The following ROR2 variants were observed in gnomAD, a reference collection of about 807,000 sequenced individuals.
ROR2 encodes the protein ROR family WNT receptor 2, also known as tyrosine-protein kinase transmembrane receptor ROR2.
Under a neutral mutation model 74.9 loss-of-function variants are expected in ROR2, and 33 were observed. The observed-to-expected ratio is 0.44, with a 90% CI of 0.33 to 0.59. ROR2 has a LOEUF of 0.59. Among genes scored for constraint, ROR2 ranks in the 20% least tolerant of loss-of-function variants. ROR2 has a pLI of 0.02. For missense variants in ROR2, 1,216 were observed against 1,313.8 expected, an observed-to-expected ratio of 0.93 and a Z score of 1.15; for synonymous variants, 586 against 558.7, an observed-to-expected ratio of 1.05 and a Z score of -0.69.
intron 1 of ROR2, among the ~76,000 whole-genome samples, chr9:91,927,072 A>T (rs1831425129): frequency 6.6e-6 from 1 of 152,218 alleles, no homozygotes; most frequent in African/African-American, 2.4e-5. Context: ...AAGAAGTGTT[A>T]TATCATTAAA....
intron 1 of ROR2, among the ~76,000 whole-genome samples, chr9:91,835,040 A>G (rs1828570187): frequency 6.6e-6 from 1 of 152,212 alleles, no homozygotes; most frequent in Non-Finnish European, 1.5e-5. Context: ...GCCTGAGGCC[A>G]GGCATGTCTT....
At chr9:91,920,222 G>C (rs994336934) in intron 1 of ROR2, among the ~76,000 whole-genome samples, 2 of 152,132 alleles carry the variant, frequency 1.3e-5, no homozygotes, top group Admixed American at 6.5e-5. Context: ...GAATAAACAC[G>C]ATGGCCGGGC....
intron 1 of ROR2, among the ~76,000 whole-genome samples, chr9:91,904,058 G>A (rs577635024): frequency 3.3e-5 from 5 of 151,262 alleles, no homozygotes; most frequent in African/African-American, 1.2e-4. Context: ...TTTTGGGGGG[G>A]GGGACAGAGT....
chr9:91,845,387 G>A (rs1171500973), intron 1 of ROR2, among the ~76,000 whole-genome samples: 1 of 151,680 alleles, frequency 6.6e-6, no homozygotes, highest in Non-Finnish European at 1.5e-5. Flanking sequence ...CAGGCAAGAG[G>A]ATGTTCAGAG....
chr9:91,794,956 T>C (rs1426479663), intron 1 of ROR2, among the ~76,000 whole-genome samples: 1 of 151,606 alleles, frequency 6.6e-6, no homozygotes, highest in African/African-American at 2.4e-5. Flanking sequence ...ACCCAGTCTC[T>C]ACTAAAAATA....
intron 1 of ROR2, among the ~76,000 whole-genome samples, chr9:91,945,053 C>G (rs1831978020): frequency 6.6e-6 from 1 of 151,312 alleles, no homozygotes; most frequent in African/African-American, 2.4e-5. Context: ...GCACTCCAGC[C>G]TGGGTGACAG....
chr9:91,816,954 ACAAAG>A (rs1284885850), intron 1 of ROR2, among the ~76,000 whole-genome samples: 1 of 152,182 alleles, frequency 6.6e-6, no homozygotes, highest in Non-Finnish European at 1.5e-5. Context: ...TAAAAATGTG[ACAAAG>A]CATTTGAAGA....
intron 1 of ROR2, among the ~76,000 whole-genome samples, chr9:91,925,330 A>G (rs1353161079): frequency 6.6e-6 from 1 of 152,022 alleles, no homozygotes; most frequent in Non-Finnish European, 1.5e-5. Flanking sequence ...CACTTCCCCC[A>G]AGATACAGCC....
chr9:91,848,646 C>T (rs574735336), intron 1 of ROR2, among the ~76,000 whole-genome samples: 16 of 151,656 alleles, frequency 1.1e-4, no homozygotes, highest in African/African-American at 3.4e-4. Context: ...CCCAGATACT[C>T]GGGAGACTGA....
chr9:91,774,389 G>T (rs1007848913), intron 2 of ROR2, among the ~76,000 whole-genome samples: 2 of 152,200 alleles, frequency 1.3e-5, no homozygotes, highest in East Asian at 1.9e-4. Flanking sequence ...GCAGTTGATT[G>T]TTATGGACTG....
At chr9:91,910,297 A>C (rs2119441989) in intron 1 of ROR2, among the ~76,000 whole-genome samples, 1 of 152,360 alleles carries the variant, frequency 6.6e-6, no homozygotes, top group South Asian at 2.1e-4. Flanking sequence ...TGCTGAAGGC[A>C]ATCTGGCCAG....
intron 1 of ROR2, among the ~76,000 whole-genome samples, chr9:91,821,179 C>G (rs1268813151): frequency 2.0e-5 from 3 of 151,888 alleles, no homozygotes; most frequent in African/African-American, 7.3e-5. Context: ...AGGGAGAAGA[C>G]AGCATCTGCA....
intron 1 of ROR2, among the ~76,000 whole-genome samples, chr9:91,916,998 C>T (rs1831153609): frequency 6.6e-6 from 1 of 152,066 alleles, no homozygotes; most frequent in Admixed American, 6.6e-5. Flanking sequence ...AGTTTTACTC[C>T]TTCCCAGCAG....
At chr9:91,792,312 T>C (rs1255123516) in intron 1 of ROR2, among the ~76,000 whole-genome samples, 5 of 150,242 alleles carry the variant, frequency 3.3e-5, no homozygotes, top group Admixed American at 6.6e-5. Context: ...TCTATTTTTT[T>C]TTTTTTTTTT....
rs1192335673 is a variant in ROR2 at position 91,724,802 on chromosome 9, G to A, written c.1692C>T (p.Phe564=). 1 of 1,609,536 alleles carries A rather than the reference G, an allele frequency of 6.2e-7. No individual in the cohort carries two copies. The highest frequency in any genetic ancestry group is 2.2e-5 in the East Asian group (1 of 44,766). ...SYCSHGDLHE[F]LVMRSPHSDV... Reference sequence around the variant, plus strand: ...CCGAGTGCGGCGAGCGCATGACCAGGAATTCGTGGAGGTCGCCGTGCGAAC... The same window carrying A: ...CCGAGTGCGGCGAGCGCATGACCAGAAATTCGTGGAGGTCGCCGTGCGAAC... Residue 564 remains phenylalanine (F), a synonymous_variant, in exon 9 of 9, where the codon TTC becomes TTT. Transcript: ENST00000375708.
chr9:91,872,768 G>C (rs1564012121), intron 1 of ROR2, among the ~76,000 whole-genome samples: 1 of 152,166 alleles, frequency 6.6e-6, no homozygotes, highest in Non-Finnish European at 1.5e-5. Context: ...AGGAAGGCAT[G>C]GCTCATGGCC....
At position 91,948,907 on chromosome 9, in the gene ROR2, G is replaced by A. The variant is rs1832088145; in HGVS notation, c.97+960C>T. 1.2e-5 allele frequency: 12 copies of A among 985,122 alleles called. No individual in the cohort carries two copies. The Admixed American group carries it at 7.4e-4, about 61-fold the overall frequency. 61.0% of individuals were successfully genotyped at this position (985,122 alleles called of 1,614,324 possible). On this transcript the variant is annotated intron_variant, in intron 1 of 8. Coordinates refer to ENST00000375708, the MANE Select transcript of ROR2 (RefSeq NM_004560.4). Reference sequence around the variant, plus strand: ...GGCGCGCGGGCGGGAGGTGCTCCCGGAGTCTGCACCGCCAGAGCTAACGCC... The same window carrying A: ...GGCGCGCGGGCGGGAGGTGCTCCCGAAGTCTGCACCGCCAGAGCTAACGCC...
intron 1 of ROR2, among the ~76,000 whole-genome samples, chr9:91,783,456 A>C (rs1228158199): frequency 6.6e-6 from 1 of 152,178 alleles, no homozygotes. Context: ...TCGCATGCCC[A>C]GGAACTGCCA....
intron 1 of ROR2, among the ~76,000 whole-genome samples, chr9:91,831,915 T>A (rs1236300685): frequency 1.3e-5 from 2 of 152,082 alleles, no homozygotes; most frequent in African/African-American, 4.8e-5. Flanking sequence ...GTGTGTGCGG[T>A]CAAATGCAAG....
Sources: allele counts gnomAD v4.1 joint callset (sites outside exome capture counted in the v4.1 genomes callset), GRCh38; gene constraint gnomAD v4.1.1; transcripts MANE v1.5; gene names NCBI Gene and HGNC (gene_info 2026-07-23, HGNC 2026-07-21).